The following DNAJC1 variants were observed in gnomAD, a reference collection of about 807,000 sequenced individuals.
DNAJC1 encodes the protein DnaJ heat shock protein family (Hsp40) member C1.
Under a neutral mutation model 76.6 loss-of-function variants are expected in DNAJC1, and 58 were observed. The ratio of observed to expected loss-of-function variants is 0.76; its 90% confidence interval spans 0.61 to 0.94. The LOEUF (loss-of-function observed/expected upper bound fraction) is 0.94. DNAJC1 is among the 40% of genes least tolerant of loss of function. The pLI, the probability that DNAJC1 is intolerant of heterozygous loss-of-function variation, is 0.00. For missense variants in DNAJC1, 689 were observed against 677.3 expected, an observed-to-expected ratio of 1.02 and a Z score of -0.19; for synonymous variants, 258 against 267.9, an observed-to-expected ratio of 0.96 and a Z score of 0.36.
intron 1 of DNAJC1, among the ~76,000 whole-genome samples, chr10:21,953,214 C>T (rs1253242262): frequency 2.6e-5 from 4 of 151,764 alleles, no homozygotes; most frequent in Non-Finnish European, 5.9e-5. Context: ...GTTATGTTCT[C>T]TTGGGAACTC....
intron 8 of DNAJC1, among the ~76,000 whole-genome samples, chr10:21,859,378 C>T (rs558328062): frequency 2.0e-5 from 3 of 152,208 alleles, no homozygotes; most frequent in East Asian, 3.9e-4. Context: ...AATACTATTA[C>T]CTAAGATTCT....
intron 10 of DNAJC1, among the ~76,000 whole-genome samples, chr10:21,763,471 T>C (rs570550595): frequency 1.3e-5 from 2 of 152,250 alleles, no homozygotes; most frequent in South Asian, 4.1e-4. Context: ...CAATTCATTA[T>C]TCCCTCTGTG....
chr10:21,837,877 G>T (rs1257632761), intron 8 of DNAJC1, among the ~76,000 whole-genome samples: 1 of 147,714 alleles, frequency 6.8e-6, no homozygotes, highest in Non-Finnish European at 1.5e-5. Flanking sequence ...GAGGTGGGGG[G>T]CAGCCCCCGC....
chr10:21,923,417 G>A (rs778204562), intron 3 of DNAJC1, among the ~76,000 whole-genome samples: 1 of 151,916 alleles, frequency 6.6e-6, no homozygotes, highest in Admixed American at 6.6e-5. Context: ...ATACTGTGTT[G>A]ACAACACATA....
At chr10:21,768,727 C>T (rs1006305800) in intron 9 of DNAJC1, among the ~76,000 whole-genome samples, 5 of 152,180 alleles carry the variant, frequency 3.3e-5, no homozygotes, top group Non-Finnish European at 7.3e-5. Context: ...CTGAAGTTAT[C>T]CAACATGAGC....
chr10:21,760,184 A>G (rs1445083080), intron 10 of DNAJC1, among the ~76,000 whole-genome samples: 1 of 152,166 alleles, frequency 6.6e-6, no homozygotes, highest in Non-Finnish European at 1.5e-5. Flanking sequence ...TAGGGAGGCT[A>G]AGGAGGGAGG....
At chr10:21,893,870 T>A (rs1836496055) in intron 7 of DNAJC1, among the ~76,000 whole-genome samples, 1 of 150,004 alleles carries the variant, frequency 6.7e-6, no homozygotes, top group African/African-American at 2.5e-5. Context: ...ATAGAGAAAA[T>A]CAATTAAACA....
chr10:21,769,741 C>T (rs1287697122), intron 9 of DNAJC1, among the ~76,000 whole-genome samples: 3 of 152,102 alleles, frequency 2.0e-5, no homozygotes, highest in Non-Finnish European at 4.4e-5. Context: ...GGCTGGAGTG[C>T]AATGGAGCGA....
chr10:21,967,801 A>T (rs1837916836), intron 1 of DNAJC1, among the ~76,000 whole-genome samples: 1 of 152,290 alleles, frequency 6.6e-6, no homozygotes, highest in South Asian at 2.1e-4. Context: ...CAAGAAGAGG[A>T]CACAGGTAGG....
chr10:21,954,551 G>A lies in DNAJC1; in HGVS notation c.223-25410C>T, dbSNP rs75569963. 4.7e-3 allele frequency among the ~76,000 whole-genome samples: 719 copies of A among 152,232 alleles called. 47 individuals are homozygous for A. The East Asian group carries it at 0.12, about 26-fold the overall frequency. On this transcript the variant is annotated intron_variant, in intron 1 of 11. Coordinates refer to ENST00000376980, the MANE Select transcript of DNAJC1 (RefSeq NM_022365.4). Reference sequence around the variant, plus strand: ...AATATTAAAAAAACAGTTTGTATAGGAAATAGTAGGCTGAAATATAGAGTT... The same window carrying A: ...AATATTAAAAAAACAGTTTGTATAGAAAATAGTAGGCTGAAATATAGAGTT...
chr10:21,994,457 T>C (rs1204535436), intron 1 of DNAJC1, among the ~76,000 whole-genome samples: 5 of 152,194 alleles, frequency 3.3e-5, no homozygotes, highest in African/African-American at 1.2e-4. Context: ...ATGGCTGTCA[T>C]TTGAACTTTA....
intron 8 of DNAJC1, among the ~76,000 whole-genome samples, chr10:21,841,815 C>G (rs1446202043): frequency 2.0e-5 from 3 of 152,098 alleles, no homozygotes; most frequent in Non-Finnish European, 2.9e-5. Context: ...TATAGCGGCA[C>G]TGTTCACAAT....
chr10:21,991,587 T>C (rs574988602), intron 1 of DNAJC1, among the ~76,000 whole-genome samples: 3 of 152,252 alleles, frequency 2.0e-5, no homozygotes, highest in African/African-American at 7.2e-5. Flanking sequence ...CTACAAACTA[T>C]GTCCCTAACA....
chr10:21,873,155 GT>G (rs1333736165), intron 8 of DNAJC1, among the ~76,000 whole-genome samples: 1 of 152,068 alleles, frequency 6.6e-6, no homozygotes, highest in Non-Finnish European at 1.5e-5. Context: ...CCCCCTTAGA[GT>G]TGTAAGCCCT....
At chr10:21,812,414 G>GAAGT (rs1255996025) in intron 8 of DNAJC1, among the ~76,000 whole-genome samples, 1 of 152,052 alleles carries the variant, frequency 6.6e-6, no homozygotes, top group African/African-American at 2.4e-5. Flanking sequence ...ATGCTTTCTT[G>GAAGT]AAGTACGTGT....
At chr10:21,861,911 T>A (rs1013310464) in intron 8 of DNAJC1, among the ~76,000 whole-genome samples, 34 of 151,894 alleles carry the variant, frequency 2.2e-4, no homozygotes, top group African/African-American at 6.3e-4. Flanking sequence ...TTTCTTTATT[T>A]TTTATTTATT....
chr10:21,975,479 T>C (rs536748615), intron 1 of DNAJC1, among the ~76,000 whole-genome samples: 2 of 152,146 alleles, frequency 1.3e-5, no homozygotes, highest in Non-Finnish European at 2.9e-5. Flanking sequence ...AACTGATCCA[T>C]TCCTCATTGG....
intron 1 of DNAJC1, among the ~76,000 whole-genome samples, chr10:22,002,293 T>C (rs964256155): frequency 3.3e-5 from 5 of 152,250 alleles, no homozygotes; most frequent in Middle Eastern, 3.4e-3. Context: ...AAGTGTACAT[T>C]TTTCACCCCA....
chr10:21,980,785 T>C (rs1482328029), intron 1 of DNAJC1, among the ~76,000 whole-genome samples: 4 of 152,198 alleles, frequency 2.6e-5, no homozygotes, highest in South Asian at 2.1e-4. Context: ...TGAAAAATTA[T>C]ACATAAAAAG....
Sources: gnomAD v4.1 joint callset for allele counts (sites outside exome capture counted in the v4.1 genomes callset) on GRCh38, gnomAD v4.1.1 for gene constraint, MANE v1.5 for transcripts, NCBI Gene and HGNC (gene_info 2026-07-23, HGNC 2026-07-21) for gene names.